Variants in ENPEP observed in about 807,000 individuals in gnomAD.
ENPEP encodes glutamyl aminopeptidase, also known as AP-A.
In ENPEP, 103 loss-of-function variants were observed where a neutral mutation model predicts 114.5. The observed-to-expected ratio is 0.90, with a 90% CI of 0.77 to 1.06. ENPEP has a LOEUF of 1.06. Among genes scored for constraint, ENPEP ranks in the 50% least tolerant of loss-of-function variants. The pLI is 0.00. For missense variants in ENPEP, 1,196 were observed against 1,161.3 expected (o/e 1.03, Z -0.43); for synonymous variants, 420 against 422.0 (o/e 1.00, Z 0.06).
chr4:110,521,598 T>G (rs758226562), intron 10 of ENPEP, among the ~76,000 whole-genome samples: 1 of 151,928 alleles, frequency 6.6e-6, no homozygotes, highest in African/African-American at 2.4e-5. Flanking sequence ...CTTTATAAGA[T>G]GCATAATTAA....
chr4:110,553,589 GGTATT>G, intron 18 of ENPEP, 134 bp downstream of exon 18: 4 of 831,022 alleles, frequency 4.8e-6, no homozygotes, highest in Non-Finnish European at 6.8e-6. Flanking sequence ...AAAGGATCAT[GGTATT>G]ATCCTTCCAG....
At chr4:110,479,238 C>T (rs1222037291) in intron 1 of ENPEP, among the ~76,000 whole-genome samples, 1 of 152,112 alleles carries the variant, frequency 6.6e-6, no homozygotes, top group African/African-American at 2.4e-5. Context: ...TGATGTTCTT[C>T]CACAAATGAT....
intron 8 of ENPEP, chr4:110,515,945 C>T (rs969192435): frequency 2.8e-6 from 1 of 355,880 alleles, no homozygotes; most frequent in African/African-American, 2.1e-5. Flanking sequence ...ATACTGGTTC[C>T]ACCATAAGAG....
chr4:110,547,809 CT>C (rs1177767982), intron 13 of ENPEP, among the ~76,000 whole-genome samples: 4 of 151,874 alleles, frequency 2.6e-5, no homozygotes, highest in African/African-American at 9.7e-5. Context: ...ATAGTAGTGC[CT>C]TTATGTGTTA....
At chr4:110,500,345 C>CTTACCTCCCAAA (rs1725107647) in intron 3 of ENPEP, among the ~76,000 whole-genome samples, 1 of 152,142 alleles carries the variant, frequency 6.6e-6, no homozygotes, top group Non-Finnish European at 1.5e-5. Flanking sequence ...AAAAGAATAT[C>CTTACCTCCCAAA]AGCTGAATAA....
chr4:110,509,811 C>G lies in ENPEP; in HGVS notation c.1194+4C>G, dbSNP rs759140348. ...TGCCCATGAACTTGTGCATCAGGTA[C>G]AGAATCTTAGCACTGAATCAGCTTG... On this transcript the variant is annotated splice_donor_region_variant and intron_variant, in intron 5 of 19. Coordinates refer to ENST00000265162, the MANE Select transcript of ENPEP (RefSeq NM_001977.4). 6.2e-7 allele frequency: 1 copy of G among 1,611,776 alleles called. No homozygotes were observed. Among genetic ancestry groups the G allele is most frequent in the Non-Finnish European group, 8.5e-7 (1 of 1,179,462 alleles).
Position 110,506,678 on chromosome 4 carries a change from A to G in ENPEP, c.960A>G (p.Glu320=), listed in dbSNP as rs1178325960. The change falls in exon 4 of 20, where the codon GAA becomes GAG. Residue 320 remains glutamate, a synonymous_variant. Coordinates refer to ENST00000265162, the MANE Select transcript of ENPEP (RefSeq NM_001977.4). The stretch of plus-strand genomic sequence containing the variant: ...AGCCAGAGCAAAAGCACACAGCCGA[A>G]TATGCTGCAAACATAACTAAAAGTG... ...YVQPEQKHTA[E]YAANITKSVF... 2 of 1,612,852 alleles carry G rather than the reference A, an allele frequency of 1.2e-6. No individual in the cohort carries two copies. Among genetic ancestry groups the G allele is most frequent in the Admixed American group, 1.7e-5 (1 of 59,948 alleles).
chr4:110,549,222 C>A, intron 14 of ENPEP, 124 bp from the exon 15 acceptor site: 2 of 763,146 alleles, frequency 2.6e-6, no homozygotes, highest in Non-Finnish European at 4.3e-6. Flanking sequence ...TTTCTAAGGA[C>A]AAGCGCAAAG....
At chr4:110,510,054 C>T (rs1440228260) in intron 5 of ENPEP, among the ~76,000 whole-genome samples, 191 bp from the exon 6 acceptor site, 1 of 151,998 alleles carries the variant, frequency 6.6e-6, no homozygotes, top group Non-Finnish European at 1.5e-5. Flanking sequence ...TAAATAAAGG[C>T]AATAAACTAA....
At chr4:110,553,252 A>G in intron 17 of ENPEP, 63 bp from the exon 18 acceptor site, 1 of 1,394,920 alleles carries the variant, frequency 7.2e-7, no homozygotes, top group Middle Eastern at 1.9e-4. Flanking sequence ...TTGTATTGGA[A>G]TTTAGCTAAG....
intron 11 of ENPEP, among the ~76,000 whole-genome samples, chr4:110,537,619 G>A (rs533125394): frequency 6.6e-6 from 1 of 152,248 alleles, no homozygotes; most frequent in South Asian, 2.1e-4. Flanking sequence ...TGTTAATGTT[G>A]ATATTTTGAC....
rs752429366 is a variant in ENPEP at position 110,476,647 on chromosome 4, GC to G, written c.236del (p.Pro79ArgfsTer28). 3.7e-6 allele frequency: 6 copies of G among 1,614,080 alleles called. No individual in the cohort carries two copies. Among genetic ancestry groups the G allele is most frequent in the Middle Eastern group, 1.7e-4 (1 of 5,964 alleles). On this transcript the variant is annotated frameshift_variant, in exon 1 of 20. Transcript: ENST00000265162. LOFTEE classifies it high-confidence loss of function. Reference protein sequence around the residue: ...SGPPAQDQDICPASEDESGQW... With the variant: ...SGPPAQDQDIXPASEDESGQW... ...CCTCCTGCCCAGGACCAGGACATCT[GC>G]CCGGCCAGTGAGGATGAGAGCGGAC... is the stretch of plus-strand genomic sequence containing the variant.
At chr4:110,544,559 G>A (rs1448467665) in intron 13 of ENPEP, among the ~76,000 whole-genome samples, 1 of 152,146 alleles carries the variant, frequency 6.6e-6, no homozygotes, top group Non-Finnish European at 1.5e-5. Context: ...GCCAGGCACT[G>A]TGTAGAATAG....
intron 8 of ENPEP, chr4:110,519,267 C>T (rs1239996435): frequency 3.2e-6 from 1 of 315,840 alleles, no homozygotes; most frequent in African/African-American, 2.1e-5. Flanking sequence ...ATTATAGCAA[C>T]TTAGAGTGAA....
At chr4:110,513,298 A>T in intron 6 of ENPEP, 117 bp from the exon 7 acceptor site, 1 of 1,158,868 alleles carries the variant, frequency 8.6e-7, no homozygotes, top group Non-Finnish European at 1.2e-6. Flanking sequence ...CCTAATGTTT[A>T]AGTAACTTAA....
intron 1 of ENPEP, among the ~76,000 whole-genome samples, chr4:110,482,889 A>C (rs1724366949): frequency 6.6e-6 from 1 of 152,110 alleles, no homozygotes; most frequent in Non-Finnish European, 1.5e-5. Context: ...CATGCCTGTA[A>C]TCCCAGCTAC....
At chr4:110,540,718 T>C (rs1344190632) in intron 11 of ENPEP, among the ~76,000 whole-genome samples, 1 of 152,194 alleles carries the variant, frequency 6.6e-6, no homozygotes, top group Non-Finnish European at 1.5e-5. Context: ...CAGGAACTTC[T>C]CAACGTTATT....
intron 18 of ENPEP, among the ~76,000 whole-genome samples, chr4:110,558,177 T>C (rs1054113401): frequency 6.7e-6 from 1 of 150,078 alleles, no homozygotes; most frequent in Non-Finnish European, 1.5e-5. Context: ...TAAAAGTTTT[T>C]AATTTGCATA....
intron 7 of ENPEP, among the ~76,000 whole-genome samples, chr4:110,514,800 T>C (rs1725700178): frequency 6.6e-6 from 1 of 152,032 alleles, no homozygotes; most frequent in African/African-American, 2.4e-5. Context: ...AAAAAGAAAG[T>C]ACAGAGCCAA....
Sources: gnomAD v4.1 joint callset for allele counts (sites outside exome capture counted in the v4.1 genomes callset) on GRCh38, gnomAD v4.1.1 for gene constraint, MANE v1.5 for transcripts, NCBI Gene and HGNC (gene_info 2026-07-23, HGNC 2026-07-21) for gene names.